Variants in PAWR observed in about 807,000 individuals in gnomAD.
PAWR encodes PRKC apoptosis WT1 regulator protein.
Under a neutral mutation model 32.0 loss-of-function variants are expected in PAWR, and 23 were observed. The observed-to-expected ratio is 0.72, with a 90% CI of 0.52 to 1.02. The LOEUF (loss-of-function observed/expected upper bound fraction) is 1.02. PAWR is among the 50% of genes least tolerant of loss of function. The pLI is 0.00. For missense variants in PAWR, 457 were observed against 437.7 expected (o/e 1.04, Z -0.39); for synonymous variants, 226 against 187.1 (o/e 1.21, Z -1.70).
intron 2 of PAWR, among the ~76,000 whole-genome samples, chr12:79,632,346 TATA>T (rs1875729174): frequency 1.5e-5 from 1 of 66,756 alleles, no homozygotes; most frequent in African/African-American, 1.7e-4. Flanking sequence ...TATATATATA[TATA>T]TATATATATA....
At chr12:79,617,956 CCT>C (rs1218134691) in intron 3 of PAWR, among the ~76,000 whole-genome samples, 4 of 152,130 alleles carry the variant, frequency 2.6e-5, no homozygotes, top group Admixed American at 2.0e-4. Flanking sequence ...TGAGTAGCTC[CCT>C]GAGGGCCTCA....
At chr12:79,609,637 A>G (rs1273329627) in intron 4 of PAWR, among the ~76,000 whole-genome samples, 1 of 151,974 alleles carries the variant, frequency 6.6e-6, no homozygotes, top group Non-Finnish European at 1.5e-5. Flanking sequence ...TGCACCAGGG[A>G]AAGATTATCT....
rs1055870270 is a variant in PAWR at position 79,690,059 on chromosome 12, C to G, written c.186G>C (p.Ala62=). 7.3e-7 allele frequency: 1 copy of G among 1,367,358 alleles called. No individual in the cohort carries two copies. Among genetic ancestry groups the G allele is most frequent in the African/African-American group, 1.5e-5 (1 of 64,918 alleles). 84.7% of individuals were successfully genotyped at this position (1,367,358 alleles called of 1,614,324 possible). A position where few individuals can be genotyped will look rare whatever the true frequency, so the allele number is the denominator to read the frequency against. ...TGTTGAGCTCGTTGGCAGCGGCGGC[C>G]GCCGGGGTGCCCAGAGCCCCCGCGG... is the stretch of plus-strand genomic sequence containing the variant. The part of the protein sequence containing the change: ...KPPAGALGTP[A]AAAANELNNN... The change falls in exon 2 of 7, where the codon GCG becomes GCC. Residue 62 remains alanine, a synonymous_variant. Coordinates refer to ENST00000328827, the MANE Select transcript of PAWR (RefSeq NM_002583.4).
intron 4 of PAWR, chr12:79,603,890 G>T (rs1421763675): frequency 6.6e-6 from 1 of 151,596 alleles, no homozygotes; most frequent in African/African-American, 2.4e-5. Flanking sequence ...GACCAGGCTG[G>T]TCTCAAACTC....
intron 2 of PAWR, among the ~76,000 whole-genome samples, chr12:79,667,776 C>T (rs144780679): frequency 2.7e-4 from 41 of 151,710 alleles, no homozygotes; most frequent in African/African-American, 9.4e-4. Context: ...TGCCTCAAAA[C>T]AATAAAAATT....
chr12:79,638,639 C>A (rs1876082942), intron 2 of PAWR, among the ~76,000 whole-genome samples: 1 of 151,274 alleles, frequency 6.6e-6, no homozygotes, highest in Non-Finnish European at 1.5e-5. Flanking sequence ...ACTATGTACA[C>A]AGAATACAGA....
chr12:79,643,352 A>G (rs1204566789), intron 2 of PAWR, among the ~76,000 whole-genome samples: 1 of 152,176 alleles, frequency 6.6e-6, no homozygotes, highest in African/African-American at 2.4e-5. Flanking sequence ...ATGAAAATAT[A>G]CATAACAAAT....
In PAWR at chr12:79,594,402, CT is replaced by C; in HGVS notation, c.862del (p.Arg288AspfsTer3). ...TTTATCTTGCATCAGTCTCACAAGT[CT>C]TAGGTTTTCTTGTCTTTCTCTTACT... ...EVVRERQENLRLVRLMQDKEE... is the reference protein window; with the variant it reads ...EVVRERQENLXLVRLMQDKEE... On this transcript the variant is annotated frameshift_variant, in exon 6 of 7. Coordinates refer to ENST00000328827, the MANE Select transcript of PAWR (RefSeq NM_002583.4). LOFTEE classifies it high-confidence loss of function. The C allele has an allele frequency of 6.4e-7, 1 of 1,557,798 alleles. No individual in the cohort carries two copies. Among genetic ancestry groups the C allele is most frequent in the Non-Finnish European group, 8.8e-7 (1 of 1,139,216 alleles).
chr12:79,683,076 A>T (rs1017579294), intron 2 of PAWR, among the ~76,000 whole-genome samples: 2 of 152,232 alleles, frequency 1.3e-5, no homozygotes, highest in Non-Finnish European at 2.9e-5. Flanking sequence ...AGACTTGTCT[A>T]AATTCTGGAA....
intron 2 of PAWR, among the ~76,000 whole-genome samples, chr12:79,635,779 A>G (rs1875933894): frequency 6.6e-6 from 1 of 152,184 alleles, no homozygotes; most frequent in Non-Finnish European, 1.5e-5. Context: ...CTATGTTCTG[A>G]TAGTTTTATG....
chr12:79,662,832 C>T (rs1877414501), intron 2 of PAWR, among the ~76,000 whole-genome samples: 1 of 152,100 alleles, frequency 6.6e-6, no homozygotes, highest in African/African-American at 2.4e-5. Context: ...AGTAAGGAAA[C>T]ATCAAGAAAA....
At chr12:79,661,905 A>C (rs1402573298) in intron 2 of PAWR, among the ~76,000 whole-genome samples, 1 of 152,160 alleles carries the variant, frequency 6.6e-6, no homozygotes, top group East Asian at 1.9e-4. Context: ...GAAAAGTAAC[A>C]AAAAGTAAAA....
intron 2 of PAWR, among the ~76,000 whole-genome samples, chr12:79,638,074 G>C (rs1311151143): frequency 6.6e-6 from 1 of 151,328 alleles, no homozygotes. Context: ...ATTTTTGTGT[G>C]TATCTCTAAT....
chr12:79,647,376 A>G (rs1386872800), intron 2 of PAWR, among the ~76,000 whole-genome samples: 1 of 152,096 alleles, frequency 6.6e-6, no homozygotes, highest in African/African-American at 2.4e-5. Context: ...AACTTTTTGA[A>G]ATTAGGGGCA....
intron 2 of PAWR, among the ~76,000 whole-genome samples, chr12:79,638,123 A>G (rs1003479387): frequency 6.0e-5 from 9 of 151,154 alleles, no homozygotes; most frequent in African/African-American, 9.8e-5. Flanking sequence ...TCTTCAGAGT[A>G]CAGCTTTTGG....
At chr12:79,626,164 A>T (rs1415284773) in intron 2 of PAWR, among the ~76,000 whole-genome samples, 1 of 11,978 alleles carries the variant, frequency 8.3e-5, no homozygotes, top group Admixed American at 9.1e-4. Context: ...ACTCCATCTT[A>T]AAAAAAAAAA....
intron 2 of PAWR, among the ~76,000 whole-genome samples, chr12:79,655,040 C>A (rs890616430): frequency 6.6e-6 from 1 of 152,162 alleles, no homozygotes; most frequent in African/African-American, 2.4e-5. Context: ...CCAGGTATTG[C>A]TGTGGTACTC....
rs1873441004 is a variant in PAWR, at chr12:79,588,137, T to C, written c.*4470A>G. On this transcript the variant is annotated 3_prime_UTR_variant, in exon 7 of 7. Coordinates refer to ENST00000328827, the MANE Select transcript of PAWR (RefSeq NM_002583.4). Reference sequence around the variant, plus strand: ...CACCAAAAAAGTAGCATACACCTATTTGGTATCCAGAGGAGGAAACAAAAC... The same window carrying C: ...CACCAAAAAAGTAGCATACACCTATCTGGTATCCAGAGGAGGAAACAAAAC... 1 of 151,976 alleles carries C rather than the reference T, an allele frequency of 6.6e-6. No homozygotes were observed. Among genetic ancestry groups the C allele is most frequent in the South Asian group, 2.1e-4 (1 of 4,824 alleles). 9.4% of individuals were successfully genotyped at this position (151,976 alleles called of 1,614,324 possible).
chr12:79,669,136 C>T (rs943603484), intron 2 of PAWR, among the ~76,000 whole-genome samples: 14 of 151,962 alleles, frequency 9.2e-5, no homozygotes, highest in Non-Finnish European at 1.9e-4. Context: ...AAAAAATAGC[C>T]CTAAAAGTTA....
Sources: gnomAD v4.1 joint callset for allele counts (sites outside exome capture counted in the v4.1 genomes callset) on GRCh38, gnomAD v4.1.1 for gene constraint, MANE v1.5 for transcripts, NCBI Gene and HGNC (gene_info 2026-07-23, HGNC 2026-07-21) for gene names.